MLLT3: variants seen among roughly 807,000 people sequenced by gnomAD.
MLLT3 encodes protein AF-9.
MLLT3 carries 4 observed loss-of-function variants against 53.2 expected under a neutral mutation model. The ratio of observed to expected loss-of-function variants is 0.08; its 90% CI spans 0.04 to 0.17. The LOEUF (loss-of-function observed/expected upper bound fraction) is 0.17. Among genes scored for constraint, MLLT3 ranks in the 10% least tolerant of loss-of-function variants. The probability of loss-of-function intolerance (pLI) is 1.00; values close to 1 mark genes in which losing one functional copy is unlikely to be tolerated. For synonymous variants in MLLT3, 283 were observed against 230.6 expected (o/e 1.23, Z -2.06); for missense variants, 569 against 684.0 (o/e 0.83, Z 1.87).
At chr9:20,363,333 T>A in intron 7 of MLLT3, 143 bp downstream of exon 7, 1 of 923,818 alleles carries the variant, frequency 1.1e-6, no homozygotes. Context: ...TGTGTAGGCA[T>A]ACCAAGGAGA....
rs565996384 is a variant in MLLT3, at chr9:20,413,992, G to T, written c.854C>A (p.Pro285Gln). 4 of 1,613,886 alleles carry T rather than the reference G, an allele frequency of 2.5e-6. No individual in the cohort carries two copies. The highest frequency in any genetic ancestry group is 3.3e-5 in the Admixed American group (2 of 59,992). The change falls in exon 5 of 11, where the codon CCG (proline) becomes CAG (glutamine). Residue 285 changes from proline (P) to glutamine (Q), a missense_variant. This residue lies in a region of MLLT3 where 437 missense variants were observed against 376.5 expected (regional missense o/e 1.16). Coordinates refer to ENST00000380338, the MANE Select transcript of MLLT3 (RefSeq NM_004529.4). ...GQDKKAPSKR[P>Q]PISDSEELSA... is the part of the protein sequence containing the mutation. ...GAGTTCTTCAGAATCTGAAATGGGC[G>T]GCCTTTTACTAGGAGCCTTCTTATC...
intron 5 of MLLT3, among the ~76,000 whole-genome samples, chr9:20,400,115 T>C (rs1822418182): frequency 6.6e-6 from 1 of 151,868 alleles, no homozygotes; most frequent in Non-Finnish European, 1.5e-5. Context: ...TGAGATGGTC[T>C]GGCCCAGAAA....
intron 2 of MLLT3, among the ~76,000 whole-genome samples, chr9:20,602,944 C>T (rs1344162588): frequency 6.6e-6 from 1 of 151,986 alleles, no homozygotes; most frequent in Admixed American, 6.6e-5. Context: ...TGCCATAATT[C>T]CACAAATTCA....
chr9:20,612,276 G>A (rs1056923441), intron 2 of MLLT3, among the ~76,000 whole-genome samples: 4 of 152,158 alleles, frequency 2.6e-5, no homozygotes, highest in African/African-American at 9.7e-5. Context: ...AATCGAAGAT[G>A]AAGAATCTCA....
Position 20,429,922 on chromosome 9 carries a change from A to T in MLLT3, c.421-15497T>A, listed in dbSNP as rs1346469483. ...CTACTAACTCAGGACTGCAAAATGC[A>T]CTGGGGGGAAAAGGATAGGAAAATT... On this transcript the variant is annotated intron_variant, in intron 4 of 10. Coordinates refer to ENST00000380338, the MANE Select transcript of MLLT3 (RefSeq NM_004529.4). Among the ~76,000 whole-genome samples the T allele has an allele frequency of 2.0e-5, 3 of 152,162 alleles. No homozygotes were observed. In the East Asian group the frequency reaches 5.8e-4, roughly 29 times the overall value.
chr9:20,615,874 G>GA (rs10579863), intron 2 of MLLT3, among the ~76,000 whole-genome samples: 5,919 of 132,364 alleles, frequency 0.045, 155 homozygotes, highest in East Asian at 0.14. Context: ...AAAGAGATTT[G>GA]AAAAAAAAAA....
At chr9:20,536,824 T>G (rs1275619880) in intron 2 of MLLT3, among the ~76,000 whole-genome samples, 3 of 150,292 alleles carry the variant, frequency 2.0e-5, no homozygotes, top group Non-Finnish European at 4.4e-5. Context: ...ATGGGACGAC[T>G]CCTGCAGGTA....
chr9:20,360,892 GAAATACCCATAGA>G, intron 7 of MLLT3, 51 bp from the exon 8 acceptor site: 1 of 1,482,350 alleles, frequency 6.7e-7, no homozygotes, highest in Non-Finnish European at 9.4e-7. Flanking sequence ...GATGATTCTT[GAAATACCCATAGA>G]AATAGGCGTG....
At chr9:20,608,214 T>C (rs1258725017) in intron 2 of MLLT3, among the ~76,000 whole-genome samples, 1 of 151,968 alleles carries the variant, frequency 6.6e-6, no homozygotes, top group African/African-American at 2.4e-5. Context: ...ATCAATACTA[T>C]TTATTCTTCA....
At chr9:20,597,486 T>C (rs1284809601) in intron 2 of MLLT3, among the ~76,000 whole-genome samples, 1 of 152,188 alleles carries the variant, frequency 6.6e-6, no homozygotes, top group Non-Finnish European at 1.5e-5. Flanking sequence ...AGATTTCCTT[T>C]ACAACAAATT....
At chr9:20,411,584 A>G (rs1470215745) in intron 5 of MLLT3, among the ~76,000 whole-genome samples, 1 of 152,196 alleles carries the variant, frequency 6.6e-6, no homozygotes, top group Non-Finnish European at 1.5e-5. Flanking sequence ...AAAAACTACT[A>G]TTGTAATCAT....
At position 20,343,068 on chromosome 9, in the gene MLLT3, A is replaced by G. The variant is rs1212497802; in HGVS notation, c.*3375T>C. ...CATTTAAGAGTAAAGTCTCTCTTAA[A>G]CAAATATATTAACTACATTTGTGGA... On this transcript the variant is annotated 3_prime_UTR_variant, in exon 11 of 11. Transcript: ENST00000380338. 5.5e-6 allele frequency: 1 copy of G among 183,274 alleles called. No individual in the cohort carries two copies. The highest frequency in any genetic ancestry group is 1.1e-5 in the Non-Finnish European group (1 of 86,972). 11.4% of individuals were successfully genotyped at this position (183,274 alleles called of 1,614,324 possible).
chr9:20,600,942 G>C (rs1200236128), intron 2 of MLLT3, among the ~76,000 whole-genome samples: 1 of 152,158 alleles, frequency 6.6e-6, no homozygotes, highest in Non-Finnish European at 1.5e-5. Flanking sequence ...TGGTAAAATG[G>C]CTTTAAATTG....
chr9:20,560,683 C>T (rs908876304), intron 2 of MLLT3, among the ~76,000 whole-genome samples: 4 of 152,054 alleles, frequency 2.6e-5, no homozygotes, highest in East Asian at 1.9e-4. Context: ...GGATTGTGGG[C>T]GGGGAGCATT....
intron 2 of MLLT3, among the ~76,000 whole-genome samples, chr9:20,520,170 G>A (rs1191229302): frequency 6.6e-6 from 1 of 152,092 alleles, no homozygotes; most frequent in East Asian, 1.9e-4. Context: ...GACACATAGA[G>A]GGGAACAACA....
intron 2 of MLLT3, among the ~76,000 whole-genome samples, chr9:20,579,287 T>C (rs1004819204): frequency 6.6e-6 from 1 of 151,968 alleles, no homozygotes; most frequent in Non-Finnish European, 1.5e-5. Flanking sequence ...GGAAAATCAC[T>C]TGAGCACAGG....
chr9:20,533,248 G>C (rs1818391614), intron 2 of MLLT3: 1 of 318,500 alleles, frequency 3.1e-6, no homozygotes, highest in African/African-American at 2.2e-5. Context: ...CAGATATGAT[G>C]AGATCTGCCG....
At chr9:20,428,810 A>G (rs371608812) in intron 4 of MLLT3, among the ~76,000 whole-genome samples, 1 of 152,172 alleles carries the variant, frequency 6.6e-6, no homozygotes, top group East Asian at 1.9e-4. Context: ...ATAAGAAAAC[A>G]TCTACAAGTA....
chr9:20,541,593 G>A (rs909753506), intron 2 of MLLT3, among the ~76,000 whole-genome samples: 1 of 152,084 alleles, frequency 6.6e-6, no homozygotes, highest in African/African-American at 2.4e-5. Flanking sequence ...ACTATCATAA[G>A]GCCCGCATAG....
Sources: allele counts gnomAD v4.1 joint callset (sites outside exome capture counted in the v4.1 genomes callset), GRCh38; gene constraint gnomAD v4.1.1; regional missense constraint gnomAD v4.1.1; transcripts MANE v1.5; gene names NCBI Gene and HGNC (gene_info 2026-07-23, HGNC 2026-07-21).